Variants in CD2AP observed in about 807,000 individuals in gnomAD.
CD2AP encodes CD2 associated protein, also known as CD2-associated protein.
CD2AP carries 46 observed loss-of-function variants against 85.1 expected under a neutral mutation model. That is an observed-to-expected ratio of 0.54 (90% CI 0.43 to 0.69). The LOEUF is 0.69. CD2AP is among the 30% of genes least tolerant of loss of function. The probability of loss-of-function intolerance (pLI) is 0.00; values close to 1 mark genes in which losing one functional copy is unlikely to be tolerated. For synonymous variants in CD2AP, 255 were observed against 252.9 expected, an observed-to-expected ratio of 1.01 and a Z score of -0.08; for missense variants, 769 against 729.5, an observed-to-expected ratio of 1.05 and a Z score of -0.62.
chr6:47,602,922 A>G (rs113180106), intron 13 of CD2AP, among the ~76,000 whole-genome samples: 1 of 152,038 alleles, frequency 6.6e-6, no homozygotes, highest in African/African-American at 2.4e-5. Flanking sequence ...AAAAAAAGCA[A>G]TTTTAAAGAA....
chr6:47,553,222 CCT>C (rs1409101057), intron 4 of CD2AP, among the ~76,000 whole-genome samples: 4 of 152,024 alleles, frequency 2.6e-5, no homozygotes, highest in African/African-American at 9.7e-5. Flanking sequence ...TAAAAGGTTG[CCT>C]ACCTTTTATG....
chr6:47,534,198 T>TA (rs1766966530), intron 3 of CD2AP, among the ~76,000 whole-genome samples: 1 of 152,334 alleles, frequency 6.6e-6, no homozygotes, highest in African/African-American at 2.4e-5. Flanking sequence ...TGGTACTGTG[T>TA]AAATATGTTA....
intron 11 of CD2AP, among the ~76,000 whole-genome samples, chr6:47,589,381 C>CACACACACACACACACACACACAT (rs1768714161): frequency 9.4e-5 from 1 of 10,598 alleles, no homozygotes; most frequent in African/African-American, 2.2e-4. Context: ...CTTGAATATA[C>CACACACACACACACACACACACAT]ACACACACAC....
chr6:47,582,053 C>A lies in CD2AP; in HGVS notation c.1096C>A (p.Pro366Thr). The stretch of plus-strand genomic sequence containing the variant: ...AGAGAAGAAATATTTTTCTTTAAAG[C>A]CTGAAGAAAAGGGTGAGGCTAATTT... ...AAEKKYFSLK[P>T]EEKDEKSTLE... Residue 366 changes from proline (P) to threonine (T), a missense_variant, in exon 11 of 18, where the codon CCT (proline) becomes ACT (threonine). Transcript: ENST00000359314. The A allele has an allele frequency of 6.3e-7, 1 of 1,598,544 alleles. No homozygotes were observed. The highest frequency in any genetic ancestry group is 8.6e-7 in the Non-Finnish European group (1 of 1,166,068).
Position 47,570,141 on chromosome 6 carries a change from C to CT in CD2AP, c.542-3911dup, listed in dbSNP as rs5876027. ...AATGCTTTTTATTTTCATCAGATTT[C>CT]TTTTTTTTTTTTAAGCTTTCAGTGC... On this transcript the variant is annotated intron_variant, in intron 5 of 17. Coordinates refer to ENST00000359314, the MANE Select transcript of CD2AP (RefSeq NM_012120.3). 9.2e-3 allele frequency among the ~76,000 whole-genome samples: 1,355 copies of CT among 147,046 alleles called. 21 individuals are homozygous for CT. Among genetic ancestry groups the CT allele is most frequent in the African/African-American group, 0.032 (1,268 of 40,200 alleles).
At chr6:47,588,836 C>T (rs1009045375) in intron 11 of CD2AP, among the ~76,000 whole-genome samples, 2 of 152,108 alleles carry the variant, frequency 1.3e-5, no homozygotes, top group African/African-American at 4.8e-5. Flanking sequence ...AGGAAAACCT[C>T]TCCCCAACCA....
chr6:47,495,836 T>G (rs962711268), intron 1 of CD2AP, among the ~76,000 whole-genome samples: 3 of 152,222 alleles, frequency 2.0e-5, no homozygotes, highest in African/African-American at 7.2e-5. Flanking sequence ...GTTTTTATGC[T>G]TTTTCTGTTA....
At chr6:47,492,189 C>G (rs1275629593) in intron 1 of CD2AP, among the ~76,000 whole-genome samples, 1 of 151,924 alleles carries the variant, frequency 6.6e-6, no homozygotes, top group Admixed American at 6.6e-5. Flanking sequence ...GACAAAATAC[C>G]TTAGACTAGG....
At chr6:47,612,610 A>G in intron 17 of CD2AP, 74 bp downstream of exon 17, 1 of 980,132 alleles carries the variant, frequency 1.0e-6, no homozygotes, top group Non-Finnish European at 1.6e-6. Context: ...CAACTGGGTA[A>G]TCGGTTCCTG....
intron 16 of CD2AP, among the ~76,000 whole-genome samples, chr6:47,610,658 A>G (rs1486036782): frequency 1.3e-5 from 2 of 151,806 alleles, no homozygotes; most frequent in African/African-American, 2.4e-5. Flanking sequence ...TATGTTTTAT[A>G]TATTATGTAT....
Position 47,478,037 on chromosome 6 carries a change from C to G in CD2AP, c.-208C>G. On this transcript the variant is annotated 5_prime_UTR_variant, in exon 1 of 18. Transcript: ENST00000359314. ...GCCAGGGGTGAGGAGCTGTCGCCGCCTTTGCCTCTGCCTCGAGGGCCGCGC... is the reference window on the plus strand; with the variant it reads ...GCCAGGGGTGAGGAGCTGTCGCCGCGTTTGCCTCTGCCTCGAGGGCCGCGC... 3 of 650,716 alleles carry G rather than the reference C, an allele frequency of 4.6e-6. No individual in the cohort carries two copies. Among genetic ancestry groups the G allele is most frequent in the Non-Finnish European group, 8.0e-6 (3 of 376,360 alleles). 40.3% of individuals were successfully genotyped at this position (650,716 alleles called of 1,614,324 possible).
intron 15 of CD2AP, among the ~76,000 whole-genome samples, chr6:47,608,835 C>A (rs1214923283): frequency 6.6e-6 from 1 of 152,008 alleles, no homozygotes; most frequent in East Asian, 1.9e-4. Context: ...CATTCTTGCC[C>A]CTGTTTCACT....
chr6:47,609,025 T>C (rs1001699465), intron 15 of CD2AP, 98 bp from the exon 16 acceptor site: 2 of 931,310 alleles, frequency 2.1e-6, no homozygotes, highest in Non-Finnish European at 3.2e-6. Flanking sequence ...TTGCCACTTA[T>C]CTTGAAGTAC....
intron 2 of CD2AP, among the ~76,000 whole-genome samples, chr6:47,507,435 G>A (rs1766201236): frequency 6.6e-6 from 1 of 152,174 alleles, no homozygotes; most frequent in South Asian, 2.1e-4. Flanking sequence ...TTGAGCAGAA[G>A]AATCACTATC....
chr6:47,533,837 G>C, intron 3 of CD2AP, 82 bp downstream of exon 3: 1 of 1,433,248 alleles, frequency 7.0e-7, no homozygotes. Context: ...AGAAAAATTA[G>C]TTCAGTCTTT....
At chr6:47,515,085 C>T (rs1349083505) in intron 2 of CD2AP, among the ~76,000 whole-genome samples, 1 of 150,766 alleles carries the variant, frequency 6.6e-6, no homozygotes, top group Non-Finnish European at 1.5e-5. Context: ...TGAATTGGTT[C>T]TTAAGGTAGA....
chr6:47,503,352 TC>T lies in CD2AP; in HGVS notation c.78del (p.Arg27GlyfsTer3). On this transcript the variant is annotated frameshift_variant, in exon 2 of 18. Coordinates refer to ENST00000359314, the MANE Select transcript of CD2AP (RefSeq NM_012120.3). LOFTEE classifies it high-confidence loss of function. ...TTAACTATTCGAGTTGGAGAAATCA[TC>T]AGGAATGTGAAAAAGCTACAGGAGG... is the stretch of plus-strand genomic sequence containing the variant. The part of the protein sequence containing the change: ...DELTIRVGEI[I>X]RNVKKLQEEG... The T allele has an allele frequency of 6.2e-7, 1 of 1,613,710 alleles. No individual in the cohort carries two copies. Among genetic ancestry groups the T allele is most frequent in the Non-Finnish European group, 8.5e-7 (1 of 1,179,754 alleles).
Position 47,477,941 on chromosome 6 carries a change from G to A in CD2AP, c.-304G>A, listed in dbSNP as rs1394307241. ...CGGTGGGTCCCTCCCCACTGCGGGA[G>A]CGGCCAGGGTGGGAAAACCGCGGTC... On this transcript the variant is annotated 5_prime_UTR_variant, in exon 1 of 18. Transcript: ENST00000359314. 1.2e-5 allele frequency: 6 copies of A among 508,174 alleles called. No homozygotes were observed. Among genetic ancestry groups the A allele is most frequent in the African/African-American group, 6.2e-5 (3 of 48,622 alleles). 31.5% of individuals were successfully genotyped at this position (508,174 alleles called of 1,614,324 possible).
intron 5 of CD2AP, among the ~76,000 whole-genome samples, chr6:47,564,134 A>C (rs1323050498): frequency 6.6e-6 from 1 of 152,146 alleles, no homozygotes; most frequent in Non-Finnish European, 1.5e-5. Flanking sequence ...AGGGTGTGTA[A>C]AAACCATTAG....
Sources: gnomAD v4.1 joint callset for allele counts (sites outside exome capture counted in the v4.1 genomes callset) on GRCh38, gnomAD v4.1.1 for gene constraint, MANE v1.5 for transcripts, NCBI Gene and HGNC (gene_info 2026-07-23, HGNC 2026-07-21) for gene names.